The following DDX42 variants were observed in gnomAD, a reference collection of about 807,000 sequenced individuals.
DDX42 encodes the protein ATP-dependent RNA helicase DDX42.
In DDX42, 22 loss-of-function variants were observed where a neutral mutation model predicts 101.5. The ratio of observed to expected loss-of-function variants is 0.22; its 90% CI spans 0.15 to 0.31. The LOEUF (loss-of-function observed/expected upper bound fraction) is 0.31. DDX42 is among the 10% of genes least tolerant of loss of function. The pLI, the probability that DDX42 is intolerant of heterozygous loss-of-function variation, is 1.00. For synonymous variants in DDX42, 402 were observed against 401.2 expected (o/e 1.00, Z -0.02); for missense variants, 849 against 1,199.9 (o/e 0.71, Z 4.32).
chr17:63,800,895 TTC>T (rs148125634), intron 6 of DDX42, among the ~76,000 whole-genome samples: 2 of 140,416 alleles, frequency 1.4e-5, no homozygotes, highest in Non-Finnish European at 3.1e-5. Context: ...TTTTCTTTCT[TTC>T]TCTTTCTTTC....
intron 5 of DDX42, 124 bp downstream of exon 5, chr17:63,799,749 T>C: frequency 1.1e-6 from 1 of 937,244 alleles, no homozygotes. Flanking sequence ...TGTCATTTGA[T>C]TTGCTCCTTT....
intron 1 of DDX42, among the ~76,000 whole-genome samples, chr17:63,782,574 T>C (rs1359013472): frequency 6.6e-6 from 1 of 152,204 alleles, no homozygotes; most frequent in African/African-American, 2.4e-5. Context: ...TATTCTAGAC[T>C]CTTCTTCCTT....
intron 7 of DDX42, chr17:63,805,952 T>C (rs2039834358): frequency 6.6e-6 from 1 of 152,270 alleles, no homozygotes; most frequent in Non-Finnish European, 1.5e-5. Flanking sequence ...GTTACCACTT[T>C]GGGGGACAAA....
Position 63,793,745 on chromosome 17 carries a change from T to C in DDX42, c.372+1183T>C, listed in dbSNP as rs147593625. On this transcript the variant is annotated intron_variant, in intron 3 of 17. Coordinates refer to ENST00000389924, the MANE Select transcript of DDX42 (RefSeq NM_203499.3). ...TGCCATCTTCCTCCAATTTTTCACA[T>C]ACAGAGGTCCTTTTACAGCTCTCTA... is the stretch of plus-strand genomic sequence containing the variant. 5.3e-3 allele frequency among the ~76,000 whole-genome samples: 799 copies of C among 152,054 alleles called. 5 individuals carry two copies. Among genetic ancestry groups the C allele is most frequent in the African/African-American group, 0.018 (729 of 41,482 alleles).
intron 1 of DDX42, among the ~76,000 whole-genome samples, chr17:63,780,003 A>G (rs1196381086): frequency 6.6e-6 from 1 of 152,204 alleles, no homozygotes; most frequent in African/African-American, 2.4e-5. Context: ...ATGGTTTAAT[A>G]GTAGGAAAAA....
chr17:63,774,576 C>T (rs1349626223), intron 1 of DDX42, 200 bp downstream of exon 1: 1 of 158,598 alleles, frequency 6.3e-6, no homozygotes, highest in Admixed American at 6.5e-5. Flanking sequence ...AGCCGCGTCG[C>T]CCTCCCACAG....
chr17:63,792,081 C>G (rs2039635660), intron 2 of DDX42, among the ~76,000 whole-genome samples: 1 of 151,282 alleles, frequency 6.6e-6, no homozygotes, highest in Non-Finnish European at 1.5e-5. Context: ...TCCCATAGCA[C>G]AGCTCTTTAA....
chr17:63,788,583 C>T (rs941652821), intron 2 of DDX42, among the ~76,000 whole-genome samples: 1 of 152,052 alleles, frequency 6.6e-6, no homozygotes, highest in Admixed American at 6.6e-5. Flanking sequence ...TAGGATTATA[C>T]AGGCGTGAGC....
In DDX42 at chr17:63,792,460, C is replaced by T. The variant is rs762697318; in HGVS notation, c.270C>T (p.Tyr90=). The change falls in exon 3 of 18, where the codon TAC becomes TAT. Residue 90 remains tyrosine, a synonymous_variant. Coordinates refer to ENST00000389924, the MANE Select transcript of DDX42 (RefSeq NM_203499.3). ...EEDSSNVDLP[Y]IPAENSPTRQ... is the part of the protein sequence containing the mutation. ...ATTCTAGCAACGTTGATTTACCTTA[C>T]ATTCCTGCTGAAAACTCACCAACTC... 5.0e-6 allele frequency: 8 copies of T among 1,613,808 alleles called. No homozygotes were observed. Among genetic ancestry groups the T allele is most frequent in the East Asian group, 4.5e-5 (2 of 44,850 alleles).
At chr17:63,793,375 C>A (rs891896554) in intron 3 of DDX42, among the ~76,000 whole-genome samples, 1 of 151,902 alleles carries the variant, frequency 6.6e-6, no homozygotes, top group African/African-American at 2.4e-5. Flanking sequence ...TCAAATGATC[C>A]TCCTGCCTCA....
At chr17:63,797,995 G>C (rs1401088089) in intron 3 of DDX42, 43 bp from the exon 4 acceptor site, 1 of 1,558,858 alleles carries the variant, frequency 6.4e-7, no homozygotes, top group Non-Finnish European at 8.7e-7. Flanking sequence ...TTCTTTCAGT[G>C]TTTTTAGTTG....
Position 63,813,442 on chromosome 17 carries a change from T to C in DDX42, c.1890T>C (p.Asp630=). 1.2e-6 allele frequency: 2 copies of C among 1,613,980 alleles called. No homozygotes were observed. The highest frequency in any genetic ancestry group is 1.7e-6 in the Non-Finnish European group (2 of 1,179,924). The change falls in exon 15 of 18, where the codon GAT becomes GAC. Residue 630 remains aspartate, a synonymous_variant. Transcript: ENST00000389924. ...ANQHVSKELL[D]LAMQNAWFRK... The stretch of plus-strand genomic sequence containing the variant: ...AACACGTTTCTAAGGAACTCCTAGA[T>C]CTGGCAATGCAGGTGAGGGGCTGGG...
intron 10 of DDX42, 54 bp downstream of exon 10, chr17:63,809,002 ATGATTAG>A (rs2039877268): frequency 6.3e-7 from 1 of 1,594,222 alleles, no homozygotes; most frequent in Non-Finnish European, 8.6e-7. Context: ...TATGGAAAAC[ATGATTAG>A]TTTTGCAGAG....
chr17:63,813,481 G>T, intron 15 of DDX42, 27 bp downstream of exon 15: 1 of 1,597,160 alleles, frequency 6.3e-7, no homozygotes, highest in African/African-American at 1.3e-5. Context: ...ACTTTCAATT[G>T]CTCCTGGTTA....
At chr17:63,808,009 TAC>T in intron 9 of DDX42, 109 bp downstream of exon 9, 1 of 1,003,182 alleles carries the variant, frequency 1.0e-6, no homozygotes, top group East Asian at 2.7e-5. Flanking sequence ...TGTGATAAGA[TAC>T]ACACAAAATT....
chr17:63,816,662 T>A, intron 16 of DDX42: 1 of 427,590 alleles, frequency 2.3e-6, no homozygotes, highest in Non-Finnish European at 4.1e-6. Context: ...AGGGTTAATT[T>A]CCAGAAATAG....
chr17:63,810,486 ATAAT>A, intron 11 of DDX42, 23 bp from the exon 12 acceptor site: 1 of 1,612,190 alleles, frequency 6.2e-7, no homozygotes, highest in Non-Finnish European at 8.5e-7. Context: ...TCAGGTTATA[ATAAT>A]TTTATTGTTC....
Position 63,809,615 on chromosome 17 carries a change from A to C in DDX42, c.1208A>C (p.Tyr403Ser). 6.2e-7 allele frequency: 1 copy of C among 1,614,116 alleles called. No individual in the cohort carries two copies. The highest frequency in any genetic ancestry group is 8.5e-7 in the Non-Finnish European group (1 of 1,180,008). The change falls in exon 11 of 18, where the codon TAC becomes TCC. Residue 403 changes from tyrosine (Y) to serine (S), a missense_variant. This residue lies in a region of DDX42 where 370 missense variants were observed against 608.8 expected (regional missense o/e 0.61). Transcript: ENST00000389924. Reference sequence around the variant, plus strand: ...GCTACCAATCTTCAAAGAGTCTCTTACCTTGTGTTTGATGAAGCAGATCGA... The same window carrying C: ...GCTACCAATCTTCAAAGAGTCTCTTCCCTTGTGTTTGATGAAGCAGATCGA... ...KKATNLQRVS[Y>S]LVFDEADRMF...
chr17:63,789,551 TTGTTTTTGTTTTTGTTTTTG>T (rs1567732922), intron 2 of DDX42, among the ~76,000 whole-genome samples: 1 of 18,972 alleles, frequency 5.3e-5, no homozygotes, highest in African/African-American at 9.3e-4. Context: ...AAAGACTTTT[TTGTTTTTGTTTTTGTTTTTG>T]TTTTTTTTTT....
Sources: allele counts gnomAD v4.1 joint callset (sites outside exome capture counted in the v4.1 genomes callset), GRCh38; gene constraint gnomAD v4.1.1; regional missense constraint gnomAD v4.1.1; transcripts MANE v1.5; gene names NCBI Gene and HGNC (gene_info 2026-07-23, HGNC 2026-07-21).